FBXO3: variants seen among roughly 807,000 people sequenced by gnomAD.
FBXO3 encodes F-box protein 3.
A neutral mutation model predicts 64.8 loss-of-function variants in FBXO3; 17 were observed. The ratio of observed to expected loss-of-function variants is 0.26; its 90% confidence interval spans 0.18 to 0.39. The LOEUF (loss-of-function observed/expected upper bound fraction) is 0.39, where lower values mean the gene tolerates loss of function less well. FBXO3 is among the 10% of genes least tolerant of loss of function. The probability of loss-of-function intolerance (pLI) is 1.00; values close to 1 mark genes in which losing one functional copy is unlikely to be tolerated. For missense variants in FBXO3, 420 were observed against 589.9 expected (o/e 0.71, Z 2.98); for synonymous variants, 182 against 201.6 (o/e 0.90, Z 0.82).
chr11:33,748,083 T>G (rs969941960), intron 9 of FBXO3, among the ~76,000 whole-genome samples: 1 of 151,972 alleles, frequency 6.6e-6, no homozygotes, highest in Non-Finnish European at 1.5e-5. Context: ...CCAGACAAAA[T>G]GGCACTCACA....
chr11:33,763,218 A>G, intron 3 of FBXO3: 1 of 434,060 alleles, frequency 2.3e-6, no homozygotes, highest in South Asian at 1.7e-5. Context: ...AAACTCTTCC[A>G]GGGAACAGAA....
intron 9 of FBXO3, among the ~76,000 whole-genome samples, chr11:33,748,575 TA>T (rs1564986481): frequency 6.6e-6 from 1 of 151,810 alleles, no homozygotes; most frequent in Non-Finnish European, 1.5e-5. Context: ...ATGAACCAGT[TA>T]AAAAAAATAA....
intron 2 of FBXO3, among the ~76,000 whole-genome samples, chr11:33,769,899 C>A (rs553940043): frequency 2.6e-4 from 34 of 131,790 alleles, no homozygotes; most frequent in Non-Finnish European, 4.9e-5. Flanking sequence ...GGAAGGGGAG[C>A]ATCTTTTTAT....
rs773028452 is a variant in FBXO3 at position 33,741,979 on chromosome 11, C to T, written c.1345G>A (p.Asp449Asn). The T allele has an allele frequency of 3.6e-5, 58 of 1,613,742 alleles. No homozygotes were observed. Among genetic ancestry groups the T allele is most frequent in the Non-Finnish European group, 4.9e-5 (58 of 1,179,794 alleles). Residue 449 changes from aspartate to asparagine, a missense_variant, in exon 11 of 11, where the codon GAT becomes AAT. By Grantham distance (23) the Asp-to-Asn change is conservative. Around this residue, in one of 3 missense-constraint regions of FBXO3, gnomAD observed 57 missense variants for 55.4 expected, o/e 1.03. Coordinates refer to ENST00000265651, the MANE Select transcript of FBXO3 (RefSeq NM_012175.4). ...ACTCTCCTCCGTCTCTCCTCTTCAT[C>T]ATCTTCATCTGATTCATCCATATCT... ...SADMDESDED[D>N]EEERRRRVFD... is the part of the protein sequence containing the mutation.
At position 33,740,954 on chromosome 11, in the gene FBXO3, A is replaced by C. The variant is rs1301145778; in HGVS notation, c.*954T>G. The stretch of plus-strand genomic sequence containing the variant: ...ATACAAAATACAGAATTGGAACCAA[A>C]ATTTGCTTTTAAAATGTGAGTTTTT... On this transcript the variant is annotated 3_prime_UTR_variant, in exon 11 of 11. Transcript: ENST00000265651. The C allele has an allele frequency of 6.6e-6, 1 of 152,666 alleles. No individual in the cohort carries two copies. The highest frequency in any genetic ancestry group is 1.5e-5 in the Non-Finnish European group (1 of 68,044). 9.5% of individuals were successfully genotyped at this position (152,666 alleles called of 1,614,324 possible). A position where few individuals can be genotyped will look rare whatever the true frequency, so the allele number is the denominator to read the frequency against.
chr11:33,750,784 A>C lies in FBXO3; in HGVS notation c.810-123T>G, dbSNP rs115216402. 7.6e-3 allele frequency: 6,459 copies of C among 847,694 alleles called. 204 individuals are homozygous for C. In the African/African-American group the frequency reaches 0.082, roughly 11 times the overall value. 52.5% of individuals were successfully genotyped at this position (847,694 alleles called of 1,614,324 possible). ...TATTTCAGACCCAGAAAAGTTCAATAATATTTGGGTATAGTCCTATTAAAC... is the reference window on the plus strand; with the variant it reads ...TATTTCAGACCCAGAAAAGTTCAATCATATTTGGGTATAGTCCTATTAAAC... On this transcript the variant is annotated intron_variant, in intron 7 of 10. Transcript: ENST00000265651.
intron 9 of FBXO3, 128 bp from the exon 10 acceptor site, chr11:33,747,448 C>A: frequency 1.4e-6 from 1 of 732,268 alleles, no homozygotes; most frequent in Non-Finnish European, 2.2e-6. Flanking sequence ...AAAAAAAATT[C>A]CAAAAGAAAA....
intron 10 of FBXO3, chr11:33,742,701 CA>C (rs1232170124): frequency 6.6e-6 from 1 of 152,128 alleles, no homozygotes. Context: ...GCACTGTCAA[CA>C]AGAGATCTAA....
At chr11:33,768,057 G>T (rs375508006) in intron 3 of FBXO3, among the ~76,000 whole-genome samples, 1 of 152,300 alleles carries the variant, frequency 6.6e-6, no homozygotes, top group African/African-American at 2.4e-5. Context: ...TTTCAAAAGA[G>T]TCTTTAGTTC....
At chr11:33,762,728 G>GAAAAAAA (rs34611010) in intron 3 of FBXO3, among the ~76,000 whole-genome samples, 2 of 141,526 alleles carry the variant, frequency 1.4e-5, no homozygotes, top group Non-Finnish European at 1.5e-5. Flanking sequence ...CCCAAGTCAG[G>GAAAAAAA]AAAAAAAAAA....
At chr11:33,752,821 T>C (rs1037710778) in intron 6 of FBXO3, among the ~76,000 whole-genome samples, 2 of 152,208 alleles carry the variant, frequency 1.3e-5, no homozygotes, top group African/African-American at 4.8e-5. Context: ...TATATGTATA[T>C]TTTGTGGAAA....
chr11:33,751,211 T>A (rs1191124451), intron 7 of FBXO3, among the ~76,000 whole-genome samples: 1 of 152,212 alleles, frequency 6.6e-6, no homozygotes, highest in Non-Finnish European at 1.5e-5. Flanking sequence ...AATAAATCTA[T>A]CAGTTGCCAA....
chr11:33,768,017 G>C (rs78618409), intron 3 of FBXO3, among the ~76,000 whole-genome samples: 3,411 of 152,272 alleles, frequency 0.022, 65 homozygotes, highest in Non-Finnish European at 0.039. Context: ...GGAAATTAGA[G>C]AGGAAACACA....
intron 4 of FBXO3, among the ~76,000 whole-genome samples, 154 bp from the exon 5 acceptor site, chr11:33,756,129 C>T (rs991958950): frequency 1.2e-4 from 18 of 152,280 alleles, no homozygotes; most frequent in African/African-American, 4.3e-4. Context: ...ACTATAATTT[C>T]TAAATATTTA....
intron 3 of FBXO3, among the ~76,000 whole-genome samples, chr11:33,761,259 C>T (rs1378375824): frequency 6.6e-6 from 1 of 152,052 alleles, no homozygotes; most frequent in East Asian, 1.9e-4. Context: ...AACTCAAACA[C>T]ATTAGTAAAT....
At chr11:33,770,684 T>C in intron 2 of FBXO3, 57 bp downstream of exon 2, 2 of 1,285,412 alleles carry the variant, frequency 1.6e-6, no homozygotes, top group Admixed American at 3.4e-5. Context: ...GACAAACTAG[T>C]GTTATGGAAG....
intron 9 of FBXO3, 24 bp downstream of exon 9, chr11:33,748,752 TA>T (rs1446112216): frequency 6.9e-7 from 1 of 1,448,660 alleles, no homozygotes; most frequent in East Asian, 2.3e-5. Context: ...AATTAATGTA[TA>T]AACCTAAATC....
intron 4 of FBXO3, among the ~76,000 whole-genome samples, 187 bp downstream of exon 4, chr11:33,758,300 G>T (rs370547291): frequency 1.3e-5 from 2 of 152,198 alleles, no homozygotes; most frequent in South Asian, 4.2e-4. Flanking sequence ...GTTTTTATGA[G>T]ATATATTTAT....
chr11:33,760,356 A>C (rs993373240), intron 3 of FBXO3, among the ~76,000 whole-genome samples: 3 of 152,090 alleles, frequency 2.0e-5, no homozygotes, highest in Non-Finnish European at 4.4e-5. Flanking sequence ...GAAACAATAG[A>C]AGTTAGCTGG....
Sources: allele counts gnomAD v4.1 joint callset (sites outside exome capture counted in the v4.1 genomes callset), GRCh38; gene constraint gnomAD v4.1.1; regional missense constraint gnomAD v4.1.1; transcripts MANE v1.5; gene names NCBI Gene and HGNC (gene_info 2026-07-23, HGNC 2026-07-21).